The following CHST7 variants were observed in gnomAD, a reference collection of about 807,000 sequenced individuals.
CHST7 encodes carbohydrate sulfotransferase 7, also known as N-acetylglucosamine 6-O-sulfotransferase 4.
Under a neutral mutation model 9.0 loss-of-function variants are expected in CHST7, and 5 were observed. That is an observed-to-expected ratio of 0.56 (90% CI 0.29 to 1.17). CHST7 has a LOEUF of 1.17. Among genes scored for constraint, CHST7 ranks in the 50% most tolerant of loss-of-function variants. The pLI is 0.08. For synonymous variants in CHST7, 244 were observed against 237.1 expected (o/e 1.03, Z -0.27); for missense variants, 377 against 485.1 (o/e 0.78, Z 2.09).
intron 1 of CHST7, among the ~76,000 whole-genome samples, chrX:46,595,299 A>C (rs1403022826): frequency 1.8e-5 from 2 of 112,223 alleles, no homozygotes; most frequent in African/African-American, 6.5e-5. Context: ...TGGTTTGACA[A>C]GTGCTCTTTT....
At chrX:46,588,416 T>C (rs970125822) in intron 1 of CHST7, among the ~76,000 whole-genome samples, 5 of 110,635 alleles carry the variant, frequency 4.5e-5, no homozygotes, top group Admixed American at 3.9e-4. Context: ...AGTTGATTCA[T>C]CCCCCTCCCC....
intron 1 of CHST7, among the ~76,000 whole-genome samples, chrX:46,584,941 G>A (rs897103524): frequency 9.0e-6 from 1 of 111,170 alleles, no homozygotes; most frequent in African/African-American, 3.3e-5. Context: ...GAGCTTTGAG[G>A]TCACTTTTCC....
chrX:46,584,206 C>A (rs925056181), intron 1 of CHST7, among the ~76,000 whole-genome samples: 4 of 111,057 alleles, frequency 3.6e-5, no homozygotes, highest in Admixed American at 2.9e-4. Flanking sequence ...GAGGTAGACA[C>A]GTTTTGCTTA....
intron 1 of CHST7, among the ~76,000 whole-genome samples, chrX:46,591,019 A>G (rs1259147713): frequency 8.9e-6 from 1 of 112,488 alleles, no homozygotes; most frequent in Non-Finnish European, 1.9e-5. Context: ...GTTTAATAAT[A>G]GTTTGTTCTT....
chrX:46,598,173 A>G lies in CHST7; in HGVS notation c.*445A>G, dbSNP rs1157165456. On this transcript the variant is annotated 3_prime_UTR_variant, in exon 2 of 2. Transcript: ENST00000276055. ...CCTGTCTTGATTAAATTACTTAATAATATTATTAAATAATAATAGGTCTGG... is the reference window on the plus strand; with the variant it reads ...CCTGTCTTGATTAAATTACTTAATAGTATTATTAAATAATAATAGGTCTGG... The G allele has an allele frequency of 8.9e-6, 1 of 112,110 alleles. No individual in the cohort carries two copies. Among genetic ancestry groups the G allele is most frequent in the Non-Finnish European group, 1.9e-5 (1 of 53,233 alleles). 9.2% of individuals were successfully genotyped at this position (112,110 alleles called of 1,213,427 possible).
intron 1 of CHST7, among the ~76,000 whole-genome samples, chrX:46,579,497 G>A (rs1942514681): frequency 8.9e-6 from 1 of 111,856 alleles, no homozygotes. Flanking sequence ...CTCTTGACAT[G>A]ACATATGCAT....
Position 46,574,462 on chromosome X carries a change from C to T in CHST7, c.531C>T (p.Pro177=), listed in dbSNP as rs1418385696. The T allele has an allele frequency of 1.7e-6, 2 of 1,205,505 alleles. No homozygotes were observed. Among genetic ancestry groups the T allele is most frequent in the Middle Eastern group, 2.3e-4 (1 of 4,342 alleles). Residue 177 remains proline (P), a synonymous_variant, in exon 1 of 2, where the codon CCC becomes CCT. Transcript: ENST00000276055. The part of the protein sequence containing the change: ...VLRLYAPPGD[P]AARAPDTANL... Reference sequence around the variant, plus strand: ...GGCTGTACGCGCCGCCGGGGGACCCCGCTGCGCGCGCCCCGGACACGGCCA... The same window carrying T: ...GGCTGTACGCGCCGCCGGGGGACCCTGCTGCGCGCGCCCCGGACACGGCCA...
At chrX:46,579,121 C>T (rs781444523) in intron 1 of CHST7, among the ~76,000 whole-genome samples, 6 of 111,082 alleles carry the variant, frequency 5.4e-5, no homozygotes, top group South Asian at 3.9e-4. Context: ...AGGCTGCCAC[C>T]GGAACAAGAT....
chrX:46,595,180 T>G (rs1942588292), intron 1 of CHST7, among the ~76,000 whole-genome samples: 1 of 112,880 alleles, frequency 8.9e-6, no homozygotes, highest in Non-Finnish European at 1.9e-5. Context: ...TGAGGATGTT[T>G]ATGATTGCCA....
At chrX:46,592,954 G>C (rs760552889) in intron 1 of CHST7, among the ~76,000 whole-genome samples, 7 of 108,584 alleles carry the variant, frequency 6.4e-5, no homozygotes, top group Non-Finnish European at 9.5e-5. Flanking sequence ...TTATATTTAA[G>C]TATGTTCTTT....
intron 1 of CHST7, among the ~76,000 whole-genome samples, chrX:46,594,067 T>C (rs1942583178): frequency 8.9e-6 from 1 of 112,649 alleles, no homozygotes; most frequent in Non-Finnish European, 1.9e-5. Flanking sequence ...TGTTCTTTCT[T>C]CATTTGTGAT....
rs1437501268 is a variant in CHST7 at position 46,574,745 on chromosome X, A to AATTC, written c.815_816insTTCA (p.Lys272AsnfsTer21). 8.3e-7 allele frequency: 1 copy of AATTC among 1,208,777 alleles called. No homozygotes were observed. Among genetic ancestry groups the AATTC allele is most frequent in the South Asian group, 1.8e-5 (1 of 56,274 alleles). ...GTTGCGTGATCCAGGCCTCAACCTGAAGGTGGTGCAGCTTTTCCGCGACCC... is the reference window on the plus strand; with the variant it reads ...GTTGCGTGATCCAGGCCTCAACCTGAATTCAGGTGGTGCAGCTTTTCCGCGACCC... On this transcript the variant is annotated frameshift_variant, in exon 1 of 2. Transcript: ENST00000276055. LOFTEE classifies it low-confidence loss of function (END_TRUNC).
rs1331665660 is a variant in CHST7, at chrX:46,574,780, G to A, written c.849G>A (p.Val283=). ...AGCTTTTCCGCGACCCGAGGGCGGT[G>A]CACAACTCGCGCCTCAAGTCTAGGC... ...VVQLFRDPRA[V]HNSRLKSRQG... The change falls in exon 1 of 2, where the codon GTG becomes GTA. Residue 283 remains valine (V), a synonymous_variant. Transcript: ENST00000276055. 1.2e-5 allele frequency: 15 copies of A among 1,202,772 alleles called. No individual in the cohort carries two copies. The highest frequency in any genetic ancestry group is 1.7e-5 in the Non-Finnish European group (15 of 891,361).
intron 1 of CHST7, among the ~76,000 whole-genome samples, chrX:46,591,665 G>A (rs769598136): frequency 4.8e-4 from 53 of 111,322 alleles, no homozygotes; most frequent in African/African-American, 1.7e-3. Context: ...GTGAGCCACC[G>A]CGCCTGGCCG....
At position 46,573,966 on chromosome X, in the gene CHST7, G is replaced by C; in HGVS notation, c.35G>C (p.Cys12Ser). 1 of 1,156,067 alleles carries C rather than the reference G, an allele frequency of 8.7e-7. No homozygotes were observed. Among genetic ancestry groups the C allele is most frequent in the Non-Finnish European group, 1.1e-6 (1 of 873,102 alleles). ...KGRRRRRREY[C>S]KFALLLVLYT... ...CGGCGGCGGCGACGCCGAGAGTACT[G>C]CAAGTTCGCGCTGCTGTTGGTGCTG... Residue 12 changes from cysteine (C) to serine (S), a missense_variant, in exon 1 of 2, where the codon TGC becomes TCC. By Grantham distance (112) the Cys-to-Ser change is moderately radical. Coordinates refer to ENST00000276055, the MANE Select transcript of CHST7 (RefSeq NM_019886.4).
intron 1 of CHST7, among the ~76,000 whole-genome samples, chrX:46,587,479 A>G: frequency 8.9e-6 from 1 of 112,285 alleles, no homozygotes; most frequent in Non-Finnish European, 1.9e-5. Flanking sequence ...ATAAATAACT[A>G]GCACCCCGTG....
intron 1 of CHST7, among the ~76,000 whole-genome samples, chrX:46,586,476 T>A (rs944821309): frequency 1.8e-5 from 2 of 111,865 alleles, no homozygotes; most frequent in African/African-American, 6.5e-5. Context: ...CAGCCTGAAT[T>A]GCAGATCTAA....
intron 1 of CHST7, among the ~76,000 whole-genome samples, chrX:46,580,527 A>C (rs1942520176): frequency 9.0e-6 from 1 of 111,696 alleles, no homozygotes; most frequent in Non-Finnish European, 1.9e-5. Flanking sequence ...TAGGTACCTG[A>C]GTAGCAGGGC....
rs752917425 is a variant in CHST7, at chrX:46,574,476, C to G, written c.545C>G (p.Pro182Arg). 115 of 1,205,389 alleles carry G rather than the reference C, an allele frequency of 9.5e-5. No homozygotes were observed. The highest frequency in any genetic ancestry group is 1.2e-4 in the Non-Finnish European group (111 of 892,823). Residue 182 changes from proline (P) to arginine (R), a missense_variant, in exon 1 of 2, where the codon CCG (proline) becomes CGG (arginine). This residue lies in a region of CHST7 where 239 missense variants were observed against 325.7 expected (regional missense o/e 0.73). Coordinates refer to ENST00000276055, the MANE Select transcript of CHST7 (RefSeq NM_019886.4). ...APPGDPAARA[P>R]DTANLTTAAL... ...CCGGGGGACCCCGCTGCGCGCGCCC[C>G]GGACACGGCCAATCTTACCACGGCC...
Sources: allele counts gnomAD v4.1 joint callset (sites outside exome capture counted in the v4.1 genomes callset), GRCh38; gene constraint gnomAD v4.1.1; regional missense constraint gnomAD v4.1.1; transcripts MANE v1.5; gene names NCBI Gene and HGNC (gene_info 2026-07-23, HGNC 2026-07-21).